The following L3MBTL2 variants were observed in gnomAD, a reference collection of about 807,000 sequenced individuals.
L3MBTL2 encodes the protein lethal(3)malignant brain tumor-like protein 2.
L3MBTL2 carries 49 observed loss-of-function variants against 86.4 expected under a neutral mutation model. The observed-to-expected ratio is 0.57, with a 90% CI of 0.45 to 0.72. The LOEUF is 0.72. Ranked by LOEUF, L3MBTL2 falls within the 30% of genes least tolerant of loss-of-function variation. The pLI is 0.00. For synonymous variants in L3MBTL2, 336 were observed against 350.6 expected, an observed-to-expected ratio of 0.96 and a Z score of 0.47; for missense variants, 755 against 923.7, an observed-to-expected ratio of 0.82 and a Z score of 2.37.
Position 41,219,434 on chromosome 22 carries a change from C to A in L3MBTL2, c.616C>A (p.Gln206Lys). The change falls in exon 6 of 17, where the codon CAG becomes AAG. Residue 206 changes from glutamine to lysine, a missense_variant. Coordinates refer to ENST00000216237, the MANE Select transcript of L3MBTL2 (RefSeq NM_031488.5). ...SCFKHVPLYD[Q>K]WEDVMKGMKV... The stretch of plus-strand genomic sequence containing the variant: ...CGCCACACAGGTCCCACTCTATGAC[C>A]AGTGGGAGGATGTGATGAAAGGGAT... The A allele has an allele frequency of 6.2e-7, 1 of 1,610,566 alleles. No homozygotes were observed. Among genetic ancestry groups the A allele is most frequent in the South Asian group, 1.1e-5 (1 of 90,988 alleles).
Position 41,230,274 on chromosome 22 carries a change from T to C in L3MBTL2, c.*23T>C. On this transcript the variant is annotated 3_prime_UTR_variant, in exon 17 of 17. Transcript: ENST00000216237. ...TGAGCCTTCCTGCCTCCAGCCTGGC[T>C]TCTAGCTGGAAGCCAGCCCAGCGTT... is the stretch of plus-strand genomic sequence containing the variant. 1 of 1,583,522 alleles carries C rather than the reference T, an allele frequency of 6.3e-7. No individual in the cohort carries two copies. The highest frequency in any genetic ancestry group is 1.1e-5 in the South Asian group (1 of 90,366).
chr22:41,220,907 G>A (rs765838946), intron 7 of L3MBTL2, 39 bp downstream of exon 7: 1 of 1,594,162 alleles, frequency 6.3e-7, no homozygotes, highest in South Asian at 1.1e-5. Flanking sequence ...GTTCCCGTAG[G>A]GCCCCTGGTA....
intron 2 of L3MBTL2, among the ~76,000 whole-genome samples, chr22:41,210,837 C>T (rs949219193): frequency 6.6e-6 from 1 of 152,212 alleles, no homozygotes; most frequent in African/African-American, 2.4e-5. Context: ...GATTAGATGC[C>T]ACTGAGTAGC....
chr22:41,219,618 G>GT, intron 6 of L3MBTL2, 82 bp downstream of exon 6: 1 of 907,466 alleles, frequency 1.1e-6, no homozygotes, highest in Non-Finnish European at 1.8e-6. Flanking sequence ...GTAGGCAGGA[G>GT]TTGGCTTCAT....
rs577164193 is a variant in L3MBTL2 at position 41,224,649 on chromosome 22, G to A, written c.1175-76G>A. On this transcript the variant is annotated intron_variant, in intron 9 of 16. Transcript: ENST00000216237. This position sits in a 1 kb window ranked among gnomAD's most constrained non-coding sequence, Gnocchi z 4.9. ...TGCAGAGCAGCCCCACATTCCCAGGGGAGGCGTGTGGAGATGGCCCAGGAG... is the reference window on the plus strand; with the variant it reads ...TGCAGAGCAGCCCCACATTCCCAGGAGAGGCGTGTGGAGATGGCCCAGGAG... The A allele has an allele frequency of 5.7e-6, 6 of 1,049,446 alleles. No homozygotes were observed. In the African/African-American group the frequency reaches 9.4e-5, roughly 16 times the overall value. The allele number at this position is 1,049,446 out of a possible 1,614,324, so 65.0% of individuals were successfully genotyped here.
chr22:41,227,753 C>T lies in L3MBTL2; in HGVS notation c.1823-51C>T. ...CTCGGGATGCGCCTGTGCCCTGTGTCCTCCCAGGGACCCTCTTCTCATCTC... is the reference window on the plus strand; with the variant it reads ...CTCGGGATGCGCCTGTGCCCTGTGTTCTCCCAGGGACCCTCTTCTCATCTC... On this transcript the variant is annotated intron_variant, in intron 14 of 16. Coordinates refer to ENST00000216237, the MANE Select transcript of L3MBTL2 (RefSeq NM_031488.5). The surrounding 1 kb of genome is among the most constrained non-coding windows in gnomAD (Gnocchi z 6.0). The T allele has an allele frequency of 6.2e-7, 1 of 1,612,112 alleles. No individual in the cohort carries two copies. The highest frequency in any genetic ancestry group is 2.2e-5 in the East Asian group (1 of 44,848).
rs1465255954 is a variant in L3MBTL2, at chr22:41,224,172, C to T, written c.1095C>T (p.Asp365=). ...LLYEDGDSDD[D]FWCHMWSPLI... Reference sequence around the variant, plus strand: ...ACGAGGATGGTGACAGTGACGACGACTTCTGGTGCCACATGTGGAGCCCCC... The same window carrying T: ...ACGAGGATGGTGACAGTGACGACGATTTCTGGTGCCACATGTGGAGCCCCC... Residue 365 remains aspartate (D), a synonymous_variant, in exon 9 of 17, where the codon GAC becomes GAT. Coordinates refer to ENST00000216237, the MANE Select transcript of L3MBTL2 (RefSeq NM_031488.5). The surrounding 1 kb of genome is among the most constrained non-coding windows in gnomAD (Gnocchi z 4.9). 6.2e-7 allele frequency: 1 copy of T among 1,614,016 alleles called. No individual in the cohort carries two copies. Among genetic ancestry groups the T allele is most frequent in the African/African-American group, 1.3e-5 (1 of 74,912 alleles).
chr22:41,230,225 A>G lies in L3MBTL2; in HGVS notation c.2092A>G (p.Asn698Asp). The G allele has an allele frequency of 1.9e-6, 3 of 1,613,760 alleles. No individual in the cohort carries two copies. The highest frequency in any genetic ancestry group is 2.5e-6 in the Non-Finnish European group (3 of 1,179,962). The stretch of plus-strand genomic sequence containing the variant: ...TCCAGAGCTGCCTGTCTCCGTCGAG[A>G]ACATCAAGCAGGAAACAGACGACTG... Reference protein sequence around the residue: ...SSPELPVSVENIKQETDD With the variant: ...SSPELPVSVEDIKQETDD Residue 698 changes from asparagine (N) to aspartate (D), a missense_variant, in exon 17 of 17, where the codon AAC becomes GAC. This residue lies in a region of L3MBTL2 where 634 missense variants were observed against 748.9 expected (regional missense o/e 0.85). Transcript: ENST00000216237.
chr22:41,222,984 G>A (rs542246086), intron 8 of L3MBTL2, among the ~76,000 whole-genome samples: 1 of 152,246 alleles, frequency 6.6e-6, no homozygotes, highest in Middle Eastern at 3.4e-3. Flanking sequence ...TGTGTTGGCT[G>A]TAGATGAAGA....
chr22:41,227,450 T>C lies in L3MBTL2; in HGVS notation c.1822+127T>C, dbSNP rs182069543. On this transcript the variant is annotated intron_variant, in intron 14 of 16. Transcript: ENST00000216237. The surrounding 1 kb of genome is among the most constrained non-coding windows in gnomAD (Gnocchi z 6.0). ...GAGATGTCTCATGGACCACTTTAAG[T>C]AGAGAGTGAGCCCCGTCACCCAGCC... 23 of 1,196,908 alleles carry C rather than the reference T, an allele frequency of 1.9e-5. No homozygotes were observed. The African/African-American group carries it at 2.0e-4, about 10-fold the overall frequency. The allele number at this position is 1,196,908 out of a possible 1,614,324, so 74.1% of individuals were successfully genotyped here.
chr22:41,208,577 G>C, intron 1 of L3MBTL2: 1 of 236,648 alleles, frequency 4.2e-6, no homozygotes, highest in Non-Finnish European at 8.5e-6. Flanking sequence ...AGCTAGTTAG[G>C]CTCAGAGCTG....
chr22:41,217,043 C>T (rs977939066), intron 4 of L3MBTL2, 80 bp from the exon 5 acceptor site: 1 of 1,156,468 alleles, frequency 8.6e-7, no homozygotes, highest in Non-Finnish European at 1.3e-6. Flanking sequence ...TCTGCAGGTC[C>T]CACAGGGCCC....
At chr22:41,223,921 GA>G (rs1224439667) in intron 8 of L3MBTL2, 98 bp from the exon 9 acceptor site, 1 of 928,428 alleles carries the variant, frequency 1.1e-6, no homozygotes, top group Non-Finnish European at 1.7e-6. Flanking sequence ...GAGTGTGGGG[GA>G]TAACACCACA....
chr22:41,218,387 C>A (rs1016823055), intron 5 of L3MBTL2: 2 of 152,126 alleles, frequency 1.3e-5, no homozygotes, highest in East Asian at 1.9e-4. Flanking sequence ...GTGGCAGGCA[C>A]CTGTAATCCC....
rs748240301 is a variant in L3MBTL2, at chr22:41,224,138, G to A, written c.1061G>A (p.Arg354Gln). The change falls in exon 9 of 17, where the codon CGG becomes CAG. Residue 354 changes from arginine to glutamine, a missense_variant. Transcript: ENST00000216237. This position sits in a 1 kb window ranked among gnomAD's most constrained non-coding sequence, Gnocchi z 4.9. ...VVDTVIGGRL[R>Q]LLYEDGDSDD... The stretch of plus-strand genomic sequence containing the variant: ...GACACAGTAATCGGGGGTCGCCTAC[G>A]GCTCCTCTACGAGGATGGTGACAGT... 10 of 1,613,946 alleles carry A rather than the reference G, an allele frequency of 6.2e-6. No individual in the cohort carries two copies. The highest frequency in any genetic ancestry group is 3.3e-5 in the South Asian group (3 of 91,070).
chr22:41,211,500 C>T (rs2030788302), intron 2 of L3MBTL2, among the ~76,000 whole-genome samples: 1 of 151,142 alleles, frequency 6.6e-6, no homozygotes, highest in South Asian at 2.1e-4. Flanking sequence ...CCACCGCACC[C>T]AGCCCCAAAC....
chr22:41,213,045 G>A (rs2031032080), intron 2 of L3MBTL2, among the ~76,000 whole-genome samples: 1 of 151,796 alleles, frequency 6.6e-6, no homozygotes, highest in African/African-American at 2.4e-5. Flanking sequence ...GTGAAACCCC[G>A]TCTCTACTAA....
rs184310112 is a variant in L3MBTL2, at chr22:41,208,283, C to A, written c.25-1413C>A. ...AAGCTGGGACTACAGGCGCATGCCA[C>A]CACACCTGGCTAATTTTTTTTTCTT... is the stretch of plus-strand genomic sequence containing the variant. On this transcript the variant is annotated intron_variant, in intron 1 of 16. Coordinates refer to ENST00000216237, the MANE Select transcript of L3MBTL2 (RefSeq NM_031488.5). 598 of 440,288 alleles carry A rather than the reference C, an allele frequency of 1.4e-3. 3 individuals carry two copies. Among genetic ancestry groups the A allele is most frequent in the Non-Finnish European group, 1.8e-3 (401 of 220,968 alleles). The allele number at this position is 440,288 out of a possible 1,614,324, so 27.3% of individuals were successfully genotyped here.
rs111756002 is a variant in L3MBTL2 at position 41,230,568 on chromosome 22, C to T, written c.*317C>T. On this transcript the variant is annotated 3_prime_UTR_variant, in exon 17 of 17. Transcript: ENST00000216237. ...TGCTCTTCCTTAAGATGGCCTCCCC[C>T]CGACCCGCCACGGCCCTCAGTTGCC... is the stretch of plus-strand genomic sequence containing the variant. 5.4e-6 allele frequency: 2 copies of T among 369,336 alleles called. No individual in the cohort carries two copies. The highest frequency in any genetic ancestry group is 1.0e-5 in the Non-Finnish European group (2 of 200,030). The allele number at this position is 369,336 out of a possible 1,614,324, so 22.9% of individuals were successfully genotyped here. A position where few individuals can be genotyped will look rare whatever the true frequency, so the allele number is the denominator to read the frequency against.
Sources: allele counts gnomAD v4.1 joint callset (sites outside exome capture counted in the v4.1 genomes callset), GRCh38; gene constraint gnomAD v4.1.1; regional missense constraint gnomAD v4.1.1; non-coding constraint Gnocchi (gnomAD v3.1); transcripts MANE v1.5; gene names NCBI Gene and HGNC (gene_info 2026-07-23, HGNC 2026-07-21).